The following HTR7 variants were observed in gnomAD, a reference collection of about 807,000 sequenced individuals.
HTR7 encodes 5-hydroxytryptamine receptor 7.
A neutral mutation model predicts 34.0 loss-of-function variants in HTR7; 16 were observed. The observed-to-expected ratio is 0.47, with a 90% CI of 0.32 to 0.71. HTR7 has a LOEUF of 0.71. Ranked by LOEUF, HTR7 falls within the 30% of genes least tolerant of loss-of-function variation. The probability of loss-of-function intolerance (pLI) is 0.04; values close to 1 mark genes in which losing one functional copy is unlikely to be tolerated. For synonymous variants in HTR7, 265 were observed against 260.2 expected, an observed-to-expected ratio of 1.02 and a Z score of -0.18; for missense variants, 504 against 625.5, an observed-to-expected ratio of 0.81 and a Z score of 2.07.
In HTR7 at chr10:90,826,519, G is replaced by C. The variant is rs577854452; in HGVS notation, c.539+30614C>G. On this transcript the variant is annotated intron_variant, in intron 1 of 3. Transcript: ENST00000336152. Reference sequence around the variant, plus strand: ...GAGTGGAAAGACTAAAAGATGAACTGATAAAAATAATAATTTTAAGGCACA... The same window carrying C: ...GAGTGGAAAGACTAAAAGATGAACTCATAAAAATAATAATTTTAAGGCACA... Among the ~76,000 whole-genome samples the C allele has an allele frequency of 1.6e-3, 151 of 96,720 alleles. 1 individual carries two copies. The highest frequency in any genetic ancestry group is 9.6e-3 in the African/African-American group (131 of 13,626). 63.5% of individuals were successfully genotyped at this position (96,720 alleles called of 152,430 possible). A position where few individuals can be genotyped will look rare whatever the true frequency, so the allele number is the denominator to read the frequency against.
chr10:90,806,523 C>T lies in HTR7; in HGVS notation c.539+50610G>A, dbSNP rs182035612. Among the ~76,000 whole-genome samples the T allele has an allele frequency of 7.9e-3, 1,195 of 151,988 alleles. 16 individuals carry two copies. The highest frequency in any genetic ancestry group is 0.027 in the African/African-American group (1,119 of 41,436). ...CTGAGGCAGGAGAATGGCGTGAACC[C>T]GGGAGGCGGAGCTTGTAGTGAGCCG... On this transcript the variant is annotated intron_variant, in intron 1 of 3. Transcript: ENST00000336152.
In HTR7 at chr10:90,857,345, G is replaced by C. The variant is rs1281451910; in HGVS notation, c.327C>G (p.Val109=). The part of the protein sequence containing the change: ...NCLVVISVCF[V]KKLRQPSNYL... ...AGTTGGAGGGCTGGCGGAGCTTCTT[G>C]ACGAAGCACACGGAGATCACCACCA... The change falls in exon 1 of 4, where the codon GTC becomes GTG. Residue 109 remains valine, a synonymous_variant. Coordinates refer to ENST00000336152, the MANE Select transcript of HTR7 (RefSeq NM_019859.4). The surrounding 1 kb of genome is among the most constrained non-coding windows in gnomAD (Gnocchi z 6.5). 6.2e-7 allele frequency: 1 copy of C among 1,614,040 alleles called. No individual in the cohort carries two copies. The highest frequency in any genetic ancestry group is 1.7e-5 in the Admixed American group (1 of 60,026).
intron 2 of HTR7, among the ~76,000 whole-genome samples, chr10:90,744,865 C>T (rs1844610246): frequency 6.6e-6 from 1 of 152,144 alleles, no homozygotes; most frequent in Non-Finnish European, 1.5e-5. Flanking sequence ...GTTCCTGCAC[C>T]CAAATGCTTA....
At chr10:90,775,320 A>C (rs1407232567) in intron 1 of HTR7, among the ~76,000 whole-genome samples, 1 of 152,154 alleles carries the variant, frequency 6.6e-6, no homozygotes, top group Non-Finnish European at 1.5e-5. Context: ...TGTGTAGACA[A>C]TTACAGGGAT....
chr10:90,778,255 G>A (rs1347264428), intron 1 of HTR7, among the ~76,000 whole-genome samples: 1 of 152,158 alleles, frequency 6.6e-6, no homozygotes, highest in African/African-American at 2.4e-5. Flanking sequence ...GAGAAGACTG[G>A]GTCAGGAGGG....
intron 1 of HTR7, among the ~76,000 whole-genome samples, chr10:90,794,336 T>G (rs1845504839): frequency 6.6e-6 from 1 of 152,170 alleles, no homozygotes; most frequent in African/African-American, 2.4e-5. Flanking sequence ...AGGACCTGCC[T>G]GAGATTATTT....
intron 1 of HTR7, among the ~76,000 whole-genome samples, chr10:90,761,269 A>G (rs1844929674): frequency 6.6e-6 from 1 of 152,098 alleles, no homozygotes; most frequent in Admixed American, 6.5e-5. Context: ...AATTTTCATA[A>G]TGAGCACAGA....
intron 1 of HTR7, among the ~76,000 whole-genome samples, chr10:90,831,615 A>C (rs1846180850): frequency 6.6e-6 from 1 of 152,062 alleles, no homozygotes; most frequent in African/African-American, 2.4e-5. Flanking sequence ...TTATTCTCTT[A>C]TCTGGCTCCA....
intron 1 of HTR7, among the ~76,000 whole-genome samples, chr10:90,790,244 C>T (rs985289284): frequency 2.0e-5 from 3 of 152,132 alleles, no homozygotes; most frequent in African/African-American, 7.2e-5. Flanking sequence ...AGTTCTTTAT[C>T]AAATTTTAAT....
intron 1 of HTR7, among the ~76,000 whole-genome samples, chr10:90,853,064 G>A (rs1302726923): frequency 6.6e-6 from 1 of 151,580 alleles, no homozygotes; most frequent in African/African-American, 2.4e-5. Context: ...CCACCACCGA[G>A]ATTAAGAAAC....
At chr10:90,755,576 G>A (rs1007109556) in intron 1 of HTR7, among the ~76,000 whole-genome samples, 1 of 152,144 alleles carries the variant, frequency 6.6e-6, no homozygotes, top group African/African-American at 2.4e-5. Context: ...AAGGCCTAAA[G>A]TTTGAAAATT....
At chr10:90,820,723 T>C (rs1845965851) in intron 1 of HTR7, among the ~76,000 whole-genome samples, 1 of 152,182 alleles carries the variant, frequency 6.6e-6, no homozygotes, top group Admixed American at 6.5e-5. Flanking sequence ...TGGCTTATGA[T>C]GGGCTTACAA....
At chr10:90,834,936 T>G (rs1004685296) in intron 1 of HTR7, among the ~76,000 whole-genome samples, 4 of 152,176 alleles carry the variant, frequency 2.6e-5, no homozygotes, top group African/African-American at 9.7e-5. Context: ...CAAGGCTGCA[T>G]ACAAGTGATA....
At chr10:90,785,858 T>A (rs1416833206) in intron 1 of HTR7, among the ~76,000 whole-genome samples, 1 of 152,152 alleles carries the variant, frequency 6.6e-6, no homozygotes, top group Non-Finnish European at 1.5e-5. Flanking sequence ...ATCCACAAAG[T>A]CTTGTGGCCT....
chr10:90,753,272 C>T (rs1442113339), intron 1 of HTR7, among the ~76,000 whole-genome samples: 2 of 152,166 alleles, frequency 1.3e-5, no homozygotes, highest in Non-Finnish European at 2.9e-5. Flanking sequence ...TGGCTCATGC[C>T]TATAATCCCA....
chr10:90,808,203 G>T (rs1044425480), intron 1 of HTR7, among the ~76,000 whole-genome samples: 2 of 152,038 alleles, frequency 1.3e-5, no homozygotes, highest in Non-Finnish European at 1.5e-5. Context: ...TTTCTGGGGG[G>T]GGCAAGTACC....
intron 1 of HTR7, among the ~76,000 whole-genome samples, chr10:90,815,729 T>C (rs928534183): frequency 1.3e-5 from 2 of 151,826 alleles, no homozygotes; most frequent in Non-Finnish European, 2.9e-5. Context: ...AACTTAAAAG[T>C]TGAAGAAAAA....
intron 1 of HTR7, among the ~76,000 whole-genome samples, chr10:90,800,587 C>T (rs975972250): frequency 1.3e-5 from 2 of 152,090 alleles, no homozygotes; most frequent in African/African-American, 4.8e-5. Flanking sequence ...CTTCACCCCC[C>T]GAGATGAAAT....
chr10:90,801,826 C>T (rs1284233741), intron 1 of HTR7, among the ~76,000 whole-genome samples: 1 of 152,130 alleles, frequency 6.6e-6, no homozygotes, highest in Non-Finnish European at 1.5e-5. Context: ...TAAAAATCAC[C>T]GTTTTGTCTC....
Sources: allele counts gnomAD v4.1 joint callset (sites outside exome capture counted in the v4.1 genomes callset), GRCh38; gene constraint gnomAD v4.1.1; non-coding constraint Gnocchi (gnomAD v3.1); transcripts MANE v1.5; gene names NCBI Gene and HGNC (gene_info 2026-07-23, HGNC 2026-07-21).